Variants in DYNLT5 observed in about 807,000 individuals in gnomAD.
DYNLT5 encodes dynein light chain Tctex-type 5.
In DYNLT5, 25 loss-of-function variants were observed where a neutral mutation model predicts 19.3. The observed-to-expected ratio is 1.30, with a 90% CI of 0.95 to 1.81. The LOEUF (loss-of-function observed/expected upper bound fraction) is 1.81, where lower values mean the gene tolerates loss of function less well. Ranked by LOEUF, DYNLT5 falls within the 40% of genes most tolerant of loss-of-function variation. DYNLT5 has a pLI of 0.00. For synonymous variants in DYNLT5, 82 were observed against 68.9 expected (o/e 1.19, Z -0.94); for missense variants, 232 against 217.9 (o/e 1.06, Z -0.41).
chr1:66,773,819 T>C (rs1337123005), intron 3 of DYNLT5, among the ~76,000 whole-genome samples: 1 of 151,936 alleles, frequency 6.6e-6, no homozygotes, highest in Admixed American at 6.6e-5. Context: ...CTAAAACACG[T>C]TTTTTCTCCT....
intron 3 of DYNLT5, chr1:66,770,778 T>C (rs1423361729): frequency 9.6e-6 from 4 of 416,200 alleles, no homozygotes; most frequent in Non-Finnish European, 1.8e-5. Context: ...TACATAGATA[T>C]GACTTAAATG....
intron 2 of DYNLT5, among the ~76,000 whole-genome samples, chr1:66,756,664 A>G (rs1035405205): frequency 6.6e-6 from 1 of 152,212 alleles, no homozygotes; most frequent in African/African-American, 2.4e-5. Context: ...CCACTTTACT[A>G]TGAAATAACT....
Position 66,778,625 on chromosome 1 carries a change from A to G in DYNLT5, c.*1171A>G, listed in dbSNP as rs994767658. 6 of 152,670 alleles carry G rather than the reference A, an allele frequency of 3.9e-5. No homozygotes were observed. The highest frequency in any genetic ancestry group is 1.4e-4 in the African/African-American group (6 of 41,460). The allele number at this position is 152,670 out of a possible 1,614,324, so 9.5% of individuals were successfully genotyped here. A position where few individuals can be genotyped will look rare whatever the true frequency, so the allele number is the denominator to read the frequency against. ...TTAAGGAAAAAATGATTTATCATTC[A>G]TATCAAAAAGAGTTTAGCAAATGGA... On this transcript the variant is annotated 3_prime_UTR_variant, in exon 5 of 5. Transcript: ENST00000282670.
intron 2 of DYNLT5, among the ~76,000 whole-genome samples, chr1:66,763,806 A>G (rs2094649938): frequency 6.6e-6 from 1 of 152,216 alleles, no homozygotes; most frequent in Non-Finnish European, 1.5e-5. Context: ...TATCCAGACC[A>G]CTAAAACTTT....
Position 66,777,333 on chromosome 1 carries a change from A to G in DYNLT5, c.419A>G (p.Gln140Arg), listed in dbSNP as rs765334329. The G allele has an allele frequency of 6.2e-7, 1 of 1,614,028 alleles. No individual in the cohort carries two copies. Among genetic ancestry groups the G allele is most frequent in the Non-Finnish European group, 8.5e-7 (1 of 1,179,930 alleles). Residue 140 changes from glutamine (Q) to arginine (R), a missense_variant, in exon 5 of 5, where the codon CAG (glutamine) becomes CGG (arginine). Coordinates refer to ENST00000282670, the MANE Select transcript of DYNLT5 (RefSeq NM_152665.3). ...VIVHIGQLNR[Q>R]SILIGSRCLW... is the part of the protein sequence containing the mutation. ...GTTCACATTGGACAACTGAACAGGC[A>G]GAGCATACTTATTGGAAGCAGATGC...
intron 2 of DYNLT5, among the ~76,000 whole-genome samples, chr1:66,769,111 G>T (rs558235630): frequency 6.6e-6 from 1 of 152,130 alleles, no homozygotes; most frequent in Non-Finnish European, 1.5e-5. Flanking sequence ...ATCATCTTTG[G>T]TATTGCCCAC....
In DYNLT5 at chr1:66,752,530, A is replaced by T; in HGVS notation, c.-58A>T. On this transcript the variant is annotated 5_prime_UTR_variant, in exon 1 of 5. Coordinates refer to ENST00000282670, the MANE Select transcript of DYNLT5 (RefSeq NM_152665.3). The stretch of plus-strand genomic sequence containing the variant: ...GGGACGCGGGAGCCGCGCCGCGCGC[A>T]GTGTCTGCAGTGCCGGAGGTCTGGG... 1 of 985,524 alleles carries T rather than the reference A, an allele frequency of 1.0e-6. No individual in the cohort carries two copies. The highest frequency in any genetic ancestry group is 1.2e-6 in the Non-Finnish European group (1 of 829,982). 61.0% of individuals were successfully genotyped at this position (985,524 alleles called of 1,614,324 possible).
intron 2 of DYNLT5, among the ~76,000 whole-genome samples, chr1:66,762,897 G>A (rs1428929484): frequency 6.6e-6 from 1 of 152,132 alleles, no homozygotes; most frequent in Non-Finnish European, 1.5e-5. Context: ...AAAGATAAAT[G>A]TTTGAGGCAA....
intron 2 of DYNLT5, among the ~76,000 whole-genome samples, chr1:66,759,729 A>G (rs1012161430): frequency 2.6e-5 from 4 of 152,216 alleles, no homozygotes; most frequent in Non-Finnish European, 5.9e-5. Context: ...ATAATACCAA[A>G]TGTTGGCAAG....
chr1:66,759,774 CAAAG>C (rs1235393673), intron 2 of DYNLT5, among the ~76,000 whole-genome samples: 1 of 152,168 alleles, frequency 6.6e-6, no homozygotes, highest in African/African-American at 2.4e-5. Context: ...CGCCATTTGG[CAAAG>C]AAAGTTAATG....
chr1:66,753,325 T>C (rs1476910077), intron 1 of DYNLT5, among the ~76,000 whole-genome samples: 4 of 152,226 alleles, frequency 2.6e-5, no homozygotes, highest in Non-Finnish European at 5.9e-5. Flanking sequence ...CAGTATTTCC[T>C]TATCGGGGCT....
At chr1:66,773,471 CT>C (rs1387599443) in intron 3 of DYNLT5, among the ~76,000 whole-genome samples, 1 of 152,200 alleles carries the variant, frequency 6.6e-6, no homozygotes, top group Non-Finnish European at 1.5e-5. Context: ...TGTCTCCAGA[CT>C]TACGTCCTCT....
At chr1:66,756,643 C>A (rs1346752274) in intron 2 of DYNLT5, among the ~76,000 whole-genome samples, 1 of 152,192 alleles carries the variant, frequency 6.6e-6, no homozygotes. Context: ...ACTAGGTAGG[C>A]ATCATTTCTA....
rs957377063 is a variant in DYNLT5 at position 66,777,963 on chromosome 1, T to C, written c.*509T>C. On this transcript the variant is annotated 3_prime_UTR_variant, in exon 5 of 5. Coordinates refer to ENST00000282670, the MANE Select transcript of DYNLT5 (RefSeq NM_152665.3). ...CAGCATTCATTAAGTGCAATTATTG[T>C]TACATGTACCTGACAGTTGAAACTG... The C allele has an allele frequency of 6.5e-6, 1 of 152,952 alleles. No individual in the cohort carries two copies. The highest frequency in any genetic ancestry group is 2.4e-5 in the African/African-American group (1 of 41,456). The allele number at this position is 152,952 out of a possible 1,614,324, so 9.5% of individuals were successfully genotyped here.
At chr1:66,765,645 T>TC (rs1235919262) in intron 2 of DYNLT5, among the ~76,000 whole-genome samples, 1 of 151,398 alleles carries the variant, frequency 6.6e-6, no homozygotes, top group Admixed American at 6.6e-5. Context: ...TTTTTCTTTT[T>TC]TTTTTTTTTT....
At chr1:66,764,503 T>A (rs572393782) in intron 2 of DYNLT5, among the ~76,000 whole-genome samples, 6 of 152,322 alleles carry the variant, frequency 3.9e-5, no homozygotes, top group African/African-American at 1.4e-4. Context: ...ACACATAACA[T>A]TTATCAATTA....
chr1:66,755,353 T>C (rs2094634338), intron 2 of DYNLT5, among the ~76,000 whole-genome samples: 1 of 152,178 alleles, frequency 6.6e-6, no homozygotes, highest in African/African-American at 2.4e-5. Flanking sequence ...CAAAGGGCAA[T>C]AAGTAGATTT....
rs181778491 is a variant in DYNLT5 at position 66,770,163 on chromosome 1, C to T, written c.120-224C>T. On this transcript the variant is annotated intron_variant, in intron 2 of 4. Transcript: ENST00000282670. ...TGACCTGGGTAACTGCCCTGGGCTT[C>T]AGCCATCACATTGAGACCTGCTCCA... 3.2e-3 allele frequency among the ~76,000 whole-genome samples: 490 copies of T among 152,282 alleles called. 1 individual carries two copies. The highest frequency in any genetic ancestry group is 4.6e-3 in the Non-Finnish European group (312 of 68,022).
chr1:66,753,196 T>G (rs2094630335), intron 1 of DYNLT5, among the ~76,000 whole-genome samples: 1 of 152,152 alleles, frequency 6.6e-6, no homozygotes, highest in South Asian at 2.1e-4. Context: ...ACACAGCACC[T>G]CTGCTCTGAC....
Sources: gnomAD v4.1 joint callset for allele counts (sites outside exome capture counted in the v4.1 genomes callset) on GRCh38, gnomAD v4.1.1 for gene constraint, MANE v1.5 for transcripts, NCBI Gene and HGNC (gene_info 2026-07-23, HGNC 2026-07-21) for gene names.